GARRE1: variants seen among roughly 807,000 people sequenced by gnomAD.
GARRE1 encodes granule associated Rac and RHOG effector 1.
A neutral mutation model predicts 103.2 loss-of-function variants in GARRE1; 49 were observed. The ratio of observed to expected loss-of-function variants is 0.47; its 90% CI spans 0.38 to 0.60. The LOEUF is 0.60. Ranked by LOEUF, GARRE1 falls within the 20% of genes least tolerant of loss-of-function variation. The probability of loss-of-function intolerance (pLI) is 0.00; values close to 1 mark genes in which losing one functional copy is unlikely to be tolerated. For missense variants in GARRE1, 1,199 were observed against 1,370.5 expected (o/e 0.87, Z 1.98); for synonymous variants, 505 against 532.8 (o/e 0.95, Z 0.72).
chr19:34,335,491 G>T (rs925066735), intron 8 of GARRE1, among the ~76,000 whole-genome samples: 1 of 152,208 alleles, frequency 6.6e-6, no homozygotes, highest in African/African-American at 2.4e-5. Context: ...GGACTAAAAT[G>T]GTAGTTGGGT....
At chr19:34,297,071 G>A (rs988599850) in intron 1 of GARRE1, among the ~76,000 whole-genome samples, 1 of 152,188 alleles carries the variant, frequency 6.6e-6, no homozygotes, top group African/African-American at 2.4e-5. Context: ...TGGATCACTT[G>A]AGGCCAGGAG....
intron 1 of GARRE1, among the ~76,000 whole-genome samples, chr19:34,262,245 A>AGT (rs1365260034): frequency 7.1e-6 from 1 of 140,088 alleles, no homozygotes; most frequent in Non-Finnish European, 1.5e-5. Context: ...GGTCTCCCAA[A>AGT]GTGCTGGGAT....
chr19:34,352,731 C>A lies in GARRE1; in HGVS notation c.2989C>A (p.Pro997Thr). 1.2e-6 allele frequency: 2 copies of A among 1,614,144 alleles called. No individual in the cohort carries two copies. The highest frequency in any genetic ancestry group is 1.7e-6 in the Non-Finnish European group (2 of 1,180,010). The change falls in exon 14 of 14, where the codon CCA (proline) becomes ACA (threonine). Residue 997 changes from proline (P) to threonine (T), a missense_variant. Coordinates refer to ENST00000299505, the MANE Select transcript of GARRE1 (RefSeq NM_014686.5). Reference sequence around the variant, plus strand: ...CAGCACGCTGCCCAGCCCCAGCGCACCACTCTATGCAGTCACCAGCCCTGG... The same window carrying A: ...CAGCACGCTGCCCAGCCCCAGCGCAACACTCTATGCAGTCACCAGCCCTGG... ...LPSTLPSPSA[P>T]LYAVTSPGSQ...
In GARRE1 at chr19:34,267,543, CAA is replaced by C. The variant is rs2073759873; in HGVS notation, c.-796+12934_-796+12935del. Among the ~76,000 whole-genome samples, 3 of 151,936 alleles carry C rather than the reference CAA, an allele frequency of 2.0e-5. No homozygotes were observed. In the South Asian group the frequency reaches 6.2e-4, roughly 32 times the overall value. On this transcript the variant is annotated intron_variant, in intron 1 of 13. Transcript: ENST00000299505. ...TTAAAAAAATAAGTAAAAACAAAAA[CAA>C]AAAATAGAATTTTAAGTCTTCTTAA...
intron 1 of GARRE1, among the ~76,000 whole-genome samples, chr19:34,294,047 C>T (rs1317182508): frequency 1.3e-5 from 2 of 151,966 alleles, no homozygotes; most frequent in Non-Finnish European, 2.9e-5. Context: ...CAGGTGTCAG[C>T]CACTGTGCCC....
At chr19:34,339,391 G>C (rs1256852062) in intron 8 of GARRE1, among the ~76,000 whole-genome samples, 1 of 152,238 alleles carries the variant, frequency 6.6e-6, no homozygotes, top group Admixed American at 6.5e-5. Flanking sequence ...TAACAGCCAG[G>C]TGAAGAGGTG....
intron 12 of GARRE1, among the ~76,000 whole-genome samples, chr19:34,351,210 A>AT (rs962758564): frequency 2.2e-4 from 11 of 49,010 alleles, no homozygotes; most frequent in East Asian, 8.1e-3. Flanking sequence ...AAAAAAAAAA[A>AT]AAATAAAATA....
At chr19:34,325,243 G>T (rs536837243) in intron 3 of GARRE1, among the ~76,000 whole-genome samples, 1 of 152,212 alleles carries the variant, frequency 6.6e-6, no homozygotes, top group South Asian at 2.1e-4. Context: ...TCTCCCTAGG[G>T]GTTCTCCATC....
At chr19:34,351,354 T>G (rs2074235790) in intron 12 of GARRE1, among the ~76,000 whole-genome samples, 160 bp from the exon 13 acceptor site, 1 of 152,196 alleles carries the variant, frequency 6.6e-6, no homozygotes, top group South Asian at 2.1e-4. Context: ...CATTCACTGC[T>G]GGCTCCCCTT....
At chr19:34,349,363 C>T (rs1396715869) in intron 12 of GARRE1, among the ~76,000 whole-genome samples, 1 of 152,004 alleles carries the variant, frequency 6.6e-6, no homozygotes, top group Middle Eastern at 3.2e-3. Flanking sequence ...TTGTGCAGAT[C>T]AATTTGGGAG....
intron 2 of GARRE1, among the ~76,000 whole-genome samples, chr19:34,314,937 TC>T (rs2074053408): frequency 6.6e-6 from 1 of 152,182 alleles, no homozygotes. Flanking sequence ...ACTCGAATGA[TC>T]ATCAGAACAA....
chr19:34,261,192 A>G (rs1041514114), intron 1 of GARRE1, among the ~76,000 whole-genome samples: 1 of 152,216 alleles, frequency 6.6e-6, no homozygotes, highest in African/African-American at 2.4e-5. Flanking sequence ...AGGGCTCTGC[A>G]TCTAAGCTGC....
intron 7 of GARRE1, among the ~76,000 whole-genome samples, chr19:34,332,598 A>G (rs1599777422): frequency 2.0e-5 from 3 of 152,178 alleles, no homozygotes; most frequent in African/African-American, 7.2e-5. Flanking sequence ...TGGTCCAACA[A>G]TGGCTATTCC....
chr19:34,280,834 A>G (rs2073847972), intron 1 of GARRE1, among the ~76,000 whole-genome samples: 1 of 152,070 alleles, frequency 6.6e-6, no homozygotes, highest in Non-Finnish European at 1.5e-5. Flanking sequence ...TTCTGATCCC[A>G]GATCCAGAAT....
intron 2 of GARRE1, among the ~76,000 whole-genome samples, chr19:34,308,565 T>C (rs2074022532): frequency 6.6e-6 from 1 of 152,198 alleles, no homozygotes; most frequent in Non-Finnish European, 1.5e-5. Context: ...GGTGATTCTG[T>C]AAATTTGCAT....
chr19:34,286,747 C>T (rs538942054), intron 1 of GARRE1, among the ~76,000 whole-genome samples: 8 of 151,826 alleles, frequency 5.3e-5, no homozygotes, highest in Admixed American at 2.6e-4. Flanking sequence ...GTGATCCGCC[C>T]GCCTCGGCCT....
chr19:34,335,266 C>T (rs1275680889), intron 8 of GARRE1, among the ~76,000 whole-genome samples: 1 of 152,052 alleles, frequency 6.6e-6, no homozygotes, highest in East Asian at 1.9e-4. Flanking sequence ...ACAGTTTCAC[C>T]TCTAGAAATT....
At chr19:34,350,817 G>A (rs2074232712) in intron 12 of GARRE1, among the ~76,000 whole-genome samples, 1 of 151,968 alleles carries the variant, frequency 6.6e-6, no homozygotes, top group Non-Finnish European at 1.5e-5. Flanking sequence ...TCCTGACCTC[G>A]TGATCCACCT....
rs555857484 is a variant in GARRE1 at position 34,341,242 on chromosome 19, C to T, written c.1488-180C>T. ...GCAGAACTTCCAGTCCTGCGTTAGACACTGTAGATTTCATACTCTCCAAAC... is the reference window on the plus strand; with the variant it reads ...GCAGAACTTCCAGTCCTGCGTTAGATACTGTAGATTTCATACTCTCCAAAC... On this transcript the variant is annotated intron_variant, in intron 9 of 13. Coordinates refer to ENST00000299505, the MANE Select transcript of GARRE1 (RefSeq NM_014686.5). The T allele has an allele frequency of 1.0e-5, 6 of 590,048 alleles. No individual in the cohort carries two copies. In the East Asian group the frequency reaches 1.4e-4, roughly 14 times the overall value. 36.6% of individuals were successfully genotyped at this position (590,048 alleles called of 1,614,324 possible). A position where few individuals can be genotyped will look rare whatever the true frequency, so the allele number is the denominator to read the frequency against.
Sources: allele counts gnomAD v4.1 joint callset (sites outside exome capture counted in the v4.1 genomes callset), GRCh38; gene constraint gnomAD v4.1.1; transcripts MANE v1.5; gene names NCBI Gene and HGNC (gene_info 2026-07-23, HGNC 2026-07-21).